Variants in TBC1D12 observed in about 807,000 individuals in gnomAD.
The protein encoded by TBC1D12 is TBC1 domain family member 12.
A neutral mutation model predicts 86.7 loss-of-function variants in TBC1D12; 56 were observed. That is an observed-to-expected ratio of 0.65 (90% CI 0.52 to 0.81). The LOEUF (loss-of-function observed/expected upper bound fraction) is 0.81, where lower values mean the gene tolerates loss of function less well. Among genes scored for constraint, TBC1D12 ranks in the 30% least tolerant of loss-of-function variants. The pLI, the probability that TBC1D12 is intolerant of heterozygous loss-of-function variation, is 0.00. For synonymous variants in TBC1D12, 421 were observed against 411.7 expected (o/e 1.02, Z -0.27); for missense variants, 1,023 against 1,038.8 (o/e 0.98, Z 0.21).
intron 11 of TBC1D12, among the ~76,000 whole-genome samples, chr10:94,528,555 C>T (rs934145243): frequency 6.6e-6 from 1 of 152,092 alleles, no homozygotes; most frequent in African/African-American, 2.4e-5. Context: ...GGTGCAGAGG[C>T]TCATACCTGT....
At chr10:94,470,621 C>G (rs2055890218) in intron 2 of TBC1D12, among the ~76,000 whole-genome samples, 1 of 151,798 alleles carries the variant, frequency 6.6e-6, no homozygotes. Context: ...CCTCGGCTTC[C>G]CAAAGTGCTG....
intron 9 of TBC1D12, among the ~76,000 whole-genome samples, chr10:94,517,410 C>T (rs992055300): frequency 5.3e-5 from 8 of 152,108 alleles, no homozygotes; most frequent in Non-Finnish European, 8.8e-5. Context: ...CACTTAAAGG[C>T]ACTTGTTTAA....
At chr10:94,458,979 G>A (rs2055675658) in intron 2 of TBC1D12, among the ~76,000 whole-genome samples, 1 of 152,138 alleles carries the variant, frequency 6.6e-6, no homozygotes, top group African/African-American at 2.4e-5. Flanking sequence ...CGTGGAAGGG[G>A]ACCCAAGCGG....
intron 5 of TBC1D12, among the ~76,000 whole-genome samples, chr10:94,498,784 T>C (rs2056356609): frequency 6.6e-6 from 1 of 151,904 alleles, no homozygotes; most frequent in Admixed American, 6.6e-5. Context: ...GTTTTTTTTT[T>C]TCAAGACGAG....
intron 1 of TBC1D12, among the ~76,000 whole-genome samples, chr10:94,430,476 A>T (rs2055200531): frequency 6.6e-6 from 1 of 152,212 alleles, no homozygotes; most frequent in Non-Finnish European, 1.5e-5. Flanking sequence ...TCTGTTATTT[A>T]AAAAAGCATT....
chr10:94,472,504 T>C (rs770074938), intron 2 of TBC1D12, among the ~76,000 whole-genome samples: 3 of 152,238 alleles, frequency 2.0e-5, no homozygotes, highest in Non-Finnish European at 4.4e-5. Context: ...TTGGCCTTTG[T>C]TTGCATGGAA....
At chr10:94,513,276 TG>T (rs1418686957) in intron 9 of TBC1D12, among the ~76,000 whole-genome samples, 2 of 147,902 alleles carry the variant, frequency 1.4e-5, no homozygotes, top group African/African-American at 5.0e-5. Flanking sequence ...GTCCCCAGGC[TG>T]GGCACAGTGT....
chr10:94,484,277 G>A (rs1275302145), intron 3 of TBC1D12, among the ~76,000 whole-genome samples: 5 of 142,562 alleles, frequency 3.5e-5, no homozygotes, highest in Admixed American at 7.2e-5. Flanking sequence ...GTGGAGTTTC[G>A]CTCTTGTTGC....
In TBC1D12 at chr10:94,533,095, A is replaced by T; in HGVS notation, c.2327A>T (p.Ter776LeuextTer7). ...DKNSSPALKS[*>L] The stretch of plus-strand genomic sequence containing the variant: ...AACAGTAGTCCTGCTTTGAAAAGCT[A>T]GTCTTCAAAATTGACAGACTAACTG... The change falls in exon 13 of 13, where the codon TAG (stop) becomes TTG (leucine). Residue 776 changes from the stop codon to leucine, a stop_lost. Coordinates refer to ENST00000225235, the MANE Select transcript of TBC1D12 (RefSeq NM_015188.2). The T allele has an allele frequency of 6.3e-7, 1 of 1,582,928 alleles. No homozygotes were observed. Among genetic ancestry groups the T allele is most frequent in the South Asian group, 1.2e-5 (1 of 85,912 alleles).
intron 9 of TBC1D12, among the ~76,000 whole-genome samples, chr10:94,521,600 C>A (rs1021458340): frequency 1.3e-5 from 2 of 152,084 alleles, no homozygotes; most frequent in East Asian, 3.9e-4. Context: ...AAAATAATCA[C>A]CTGATTTTTA....
intron 1 of TBC1D12, among the ~76,000 whole-genome samples, chr10:94,419,626 G>A (rs1458271983): frequency 6.6e-6 from 1 of 152,070 alleles, no homozygotes; most frequent in East Asian, 1.9e-4. Context: ...CCGAGATTGC[G>A]CCACTGCACT....
intron 1 of TBC1D12, among the ~76,000 whole-genome samples, chr10:94,435,590 G>A (rs1413484134): frequency 6.6e-6 from 1 of 151,970 alleles, no homozygotes; most frequent in Admixed American, 6.6e-5. Context: ...TATTTTCTGT[G>A]TGCTAATTTT....
chr10:94,410,736 T>G (rs983950629), intron 1 of TBC1D12, among the ~76,000 whole-genome samples: 5 of 152,216 alleles, frequency 3.3e-5, no homozygotes, highest in Non-Finnish European at 7.3e-5. Flanking sequence ...GAGCAAAAAC[T>G]TAGCTTTTGG....
intron 2 of TBC1D12, among the ~76,000 whole-genome samples, chr10:94,469,665 G>A (rs188151617): frequency 3.3e-4 from 50 of 152,160 alleles, no homozygotes; most frequent in Admixed American, 1.7e-3. Flanking sequence ...GGCCAGGCTG[G>A]TCTCGAACTC....
intron 1 of TBC1D12, among the ~76,000 whole-genome samples, chr10:94,425,191 T>A (rs1403854051): frequency 6.6e-6 from 1 of 152,216 alleles, no homozygotes; most frequent in Non-Finnish European, 1.5e-5. Context: ...GTAGAGGGTG[T>A]GACTGTAAAG....
rs1254956629 is a variant in TBC1D12, at chr10:94,522,360, C to T, written c.1907C>T (p.Ala636Val). Residue 636 changes from alanine (A) to valine (V), a missense_variant, in exon 11 of 13, where the codon GCA becomes GTA. Transcript: ENST00000225235. ...AATCTTTAGATGTTGAAATATTTTG[C>T]AACATTTGAAGTATTCTTTGAAGAA... ...VDHSMMLKYF[A>V]TFEVFFEENL... 1.4e-6 allele frequency: 2 copies of T among 1,432,926 alleles called. No individual in the cohort carries two copies. The highest frequency in any genetic ancestry group is 1.9e-6 in the Non-Finnish European group (2 of 1,055,120). 88.8% of individuals were successfully genotyped at this position (1,432,926 alleles called of 1,614,324 possible).
chr10:94,407,144 A>G (rs2054864934), intron 1 of TBC1D12, among the ~76,000 whole-genome samples: 1 of 152,246 alleles, frequency 6.6e-6, no homozygotes, highest in African/African-American at 2.4e-5. Flanking sequence ...ATGTTAAGAC[A>G]CATCATTTTG....
intron 3 of TBC1D12, among the ~76,000 whole-genome samples, chr10:94,476,105 A>G (rs1417147110): frequency 1.3e-5 from 2 of 151,972 alleles, no homozygotes; most frequent in South Asian, 2.1e-4. Flanking sequence ...GCACCTGGCT[A>G]AAGAATTCTT....
In TBC1D12 at chr10:94,442,030, A is replaced by T. The variant is rs2055389609; in HGVS notation, c.1095+11A>T. ...AAAATCATTCAGCAGGTAAGTACTG[A>T]CATAGCCATGTAGTTTACCCTAGCT... On this transcript the variant is annotated intron_variant, in intron 2 of 12. Coordinates refer to ENST00000225235, the MANE Select transcript of TBC1D12 (RefSeq NM_015188.2). 1.9e-6 allele frequency: 3 copies of T among 1,605,066 alleles called. No homozygotes were observed. The highest frequency in any genetic ancestry group is 1.1e-5 in the South Asian group (1 of 88,402).
Sources: allele counts gnomAD v4.1 joint callset (sites outside exome capture counted in the v4.1 genomes callset), GRCh38; gene constraint gnomAD v4.1.1; transcripts MANE v1.5; gene names NCBI Gene and HGNC (gene_info 2026-07-23, HGNC 2026-07-21).